Variants in AKAP19 observed in about 807,000 individuals in gnomAD.
AKAP19 encodes A-kinase anchoring protein 19, also known as small A-kinase anchoring protein.
At chr2:190,111,246 CAA>C in the AKAP19 span, among the ~76,000 whole-genome samples, 1 of 152,130 alleles carries the variant, frequency 6.6e-6, no homozygotes, top group South Asian at 2.1e-4. Context: ...ACTTTGAAAA[CAA>C]AACAAAACTT....
the AKAP19 span, among the ~76,000 whole-genome samples, chr2:190,015,070 C>T: frequency 1.1e-4 from 17 of 152,230 alleles, no homozygotes; most frequent in Middle Eastern, 6.8e-3. Flanking sequence ...TGCAAGCTGT[C>T]GGTTGATCTG....
the AKAP19 span, among the ~76,000 whole-genome samples, chr2:190,114,062 A>G: frequency 6.6e-6 from 1 of 152,166 alleles, no homozygotes; most frequent in Non-Finnish European, 1.5e-5. Context: ...AGGTTACTAT[A>G]CCACCTAAGA....
At chr2:189,981,273 C>CTTTTTTTTTTTTTTTTTTTG in the AKAP19 span, among the ~76,000 whole-genome samples, 1 of 129,002 alleles carries the variant, frequency 7.8e-6, no homozygotes, top group Non-Finnish European at 1.7e-5. Context: ...CCTTCTTTGT[C>CTTTTTTTTTTTTTTTTTTTG]TTTTTTTTTT....
the AKAP19 span, among the ~76,000 whole-genome samples, chr2:189,979,068 TAA>T: frequency 6.9e-6 from 1 of 143,946 alleles, no homozygotes; most frequent in African/African-American, 2.5e-5. Context: ...TTCACAGAAG[TAA>T]AAAAAAAAAA....
the AKAP19 span, among the ~76,000 whole-genome samples, chr2:190,030,851 G>A: frequency 3.4e-4 from 52 of 152,250 alleles, no homozygotes; most frequent in African/African-American, 1.3e-3. Flanking sequence ...ATATAGGCAA[G>A]GTATGTTAGT....
the AKAP19 span, among the ~76,000 whole-genome samples, chr2:189,888,720 A>G: frequency 6.6e-6 from 1 of 152,100 alleles, no homozygotes; most frequent in East Asian, 1.9e-4. Context: ...ATGGGAGTTC[A>G]CTCATGATTT....
At chr2:190,083,168 C>T in the AKAP19 span, among the ~76,000 whole-genome samples, 11 of 152,122 alleles carry the variant, frequency 7.2e-5, no homozygotes, top group Admixed American at 7.2e-4. Flanking sequence ...CACTTGAGCT[C>T]AGGAGTTTGA....
chr2:190,201,055 C>T, the AKAP19 span: 1 of 148,334 alleles, frequency 6.7e-6, no homozygotes, highest in Admixed American at 7.5e-5. Context: ...TAAAATAGAC[C>T]AGATAATGCA....
At chr2:189,898,781 C>G in the AKAP19 span, among the ~76,000 whole-genome samples, 1 of 152,252 alleles carries the variant, frequency 6.6e-6, no homozygotes, top group African/African-American at 2.4e-5. Flanking sequence ...TAAAAGTCCT[C>G]GAACTAGTCC....
the AKAP19 span, among the ~76,000 whole-genome samples, chr2:189,941,844 C>A: frequency 6.6e-6 from 1 of 152,132 alleles, no homozygotes; most frequent in East Asian, 1.9e-4. Context: ...TAAATGGACT[C>A]AATTTGCCAA....
the AKAP19 span, among the ~76,000 whole-genome samples, chr2:190,064,983 G>A: frequency 2.6e-5 from 4 of 151,966 alleles, no homozygotes; most frequent in Admixed American, 6.6e-5. Context: ...TCAGTCATTC[G>A]CTGGCATTCA....
chr2:189,902,333 T>A, the AKAP19 span, among the ~76,000 whole-genome samples: 1 of 151,992 alleles, frequency 6.6e-6, no homozygotes, highest in East Asian at 1.9e-4. Flanking sequence ...TTGTTTCCAA[T>A]GTTATAGTTT....
chr2:189,915,862 G>T, the AKAP19 span, among the ~76,000 whole-genome samples: 2 of 152,030 alleles, frequency 1.3e-5, no homozygotes, highest in African/African-American at 4.8e-5. Context: ...GTTTATAACA[G>T]ATTTTAAAAT....
chr2:190,024,460 A>C, the AKAP19 span, among the ~76,000 whole-genome samples: 74 of 151,968 alleles, frequency 4.9e-4, no homozygotes, highest in African/African-American at 1.7e-3. Flanking sequence ...GGGAATAGAC[A>C]AGTAAAGTCA....
At chr2:190,151,664 T>C in the AKAP19 span, among the ~76,000 whole-genome samples, 2 of 152,206 alleles carry the variant, frequency 1.3e-5, no homozygotes, top group African/African-American at 4.8e-5. Context: ...AGTGCTGCAA[T>C]GAACAAACCA....
chr2:190,093,853 A>G, the AKAP19 span, among the ~76,000 whole-genome samples: 11 of 152,336 alleles, frequency 7.2e-5, no homozygotes, highest in Admixed American at 7.2e-4. Context: ...CTTGACCACA[A>G]TCAGGAAGGT....
At chr2:189,924,192 C>T in the AKAP19 span, 53 of 1,492,976 alleles carry the variant, frequency 3.5e-5, no homozygotes, top group South Asian at 3.7e-4. Context: ...ACAGAGACAG[C>T]GCCAATGGCG....
chr2:189,927,477 CTTTTT>C, the AKAP19 span, among the ~76,000 whole-genome samples: 1 of 152,058 alleles, frequency 6.6e-6, no homozygotes, highest in Non-Finnish European at 1.5e-5. Context: ...CTATTCTTTT[CTTTTT>C]AACTTTTAAT....
At chr2:189,926,298 G>GT in the AKAP19 span, among the ~76,000 whole-genome samples, 4 of 152,108 alleles carry the variant, frequency 2.6e-5, no homozygotes, top group East Asian at 5.8e-4. Flanking sequence ...GTTTTGTTTT[G>GT]TTTTTTGTTT....
Sources: allele counts gnomAD v4.1 joint callset (sites outside exome capture counted in the v4.1 genomes callset), GRCh38; gene constraint gnomAD v4.1.1; transcripts MANE v1.5; gene names NCBI Gene and HGNC (gene_info 2026-07-23, HGNC 2026-07-21).